The following RGS6 variants were observed in gnomAD, a reference collection of about 807,000 sequenced individuals.
RGS6 encodes the protein regulator of G protein signaling 6.
A neutral mutation model predicts 78.5 loss-of-function variants in RGS6; 30 were observed. That is an observed-to-expected ratio of 0.38 (90% CI 0.29 to 0.52). The LOEUF (loss-of-function observed/expected upper bound fraction) is 0.52, where lower values mean the gene tolerates loss of function less well. RGS6 is among the 20% of genes least tolerant of loss of function. RGS6 has a pLI of 0.85. For synonymous variants in RGS6, 206 were observed against 206.0 expected, an observed-to-expected ratio of 1.00 and a Z score of 0.00; for missense variants, 495 against 609.7, an observed-to-expected ratio of 0.81 and a Z score of 1.98.
chr14:72,512,365 C>T (rs1010277101), intron 14 of RGS6, among the ~76,000 whole-genome samples: 1 of 152,190 alleles, frequency 6.6e-6, no homozygotes, highest in East Asian at 1.9e-4. Context: ...TCAGTTCAGA[C>T]TAGTTTCACA....
In RGS6 at chr14:72,540,061, T is replaced by A; in HGVS notation, c.1389T>A (p.Arg463=). ...TAAAGCCAGAAAGTGAGCAAGGTCG[T>A]AGAACTTCCCTAGAAAAGTTCACTC... ...AKKKPESEQG[R]RTSLEKFTRS... is the part of the protein sequence containing the mutation. The change falls in exon 17 of 18, where the codon CGT becomes CGA. Residue 463 remains arginine, a synonymous_variant. Transcript: ENST00000553525. 6.3e-7 allele frequency: 1 copy of A among 1,587,722 alleles called. No homozygotes were observed. The highest frequency in any genetic ancestry group is 8.5e-7 in the Non-Finnish European group (1 of 1,176,472).
the RGS6 span, among the ~76,000 whole-genome samples, chr14:72,622,144 A>G: frequency 6.6e-6 from 1 of 152,214 alleles, no homozygotes; most frequent in South Asian, 2.1e-4. Flanking sequence ...AATTTTGTAC[A>G]TAGGTAGAAA....
At chr14:72,474,603 T>C in intron 9 of RGS6, 22 bp from the exon 10 acceptor site, 1 of 1,595,044 alleles carries the variant, frequency 6.3e-7, no homozygotes, top group Non-Finnish European at 8.5e-7. Flanking sequence ...GTAATTTATA[T>C]GATGTGTTTT....
intron 2 of RGS6, among the ~76,000 whole-genome samples, chr14:72,261,593 G>GA (rs572896133): frequency 1.2e-4 from 18 of 150,780 alleles, no homozygotes; most frequent in South Asian, 2.1e-4. Context: ...ATAATAATGA[G>GA]AAAAAAAAAG....
the RGS6 span, among the ~76,000 whole-genome samples, chr14:71,874,566 T>C: frequency 3.3e-5 from 5 of 152,254 alleles, no homozygotes; most frequent in Non-Finnish European, 5.9e-5. Context: ...ATTTTCTAAA[T>C]GTACAATCAT....
At chr14:72,197,765 G>A (rs2040535650) in intron 2 of RGS6, among the ~76,000 whole-genome samples, 1 of 151,918 alleles carries the variant, frequency 6.6e-6, no homozygotes, top group African/African-American at 2.4e-5. Context: ...CAAGGCATGT[G>A]GTCCCCAGTG....
intron 2 of RGS6, among the ~76,000 whole-genome samples, chr14:72,021,431 C>T (rs2088473181): frequency 6.7e-6 from 1 of 149,922 alleles, no homozygotes; most frequent in Non-Finnish European, 1.5e-5. Flanking sequence ...GATGCTATTA[C>T]AATATGTTTT....
chr14:72,069,592 T>C (rs1218452792), intron 2 of RGS6, among the ~76,000 whole-genome samples: 1 of 152,090 alleles, frequency 6.6e-6, no homozygotes, highest in Non-Finnish European at 1.5e-5. Context: ...CAGGCTGGAG[T>C]GCAGTGGTGC....
chr14:72,232,123 A>T (rs2049795491), intron 2 of RGS6, among the ~76,000 whole-genome samples: 1 of 152,204 alleles, frequency 6.6e-6, no homozygotes, highest in Non-Finnish European at 1.5e-5. Flanking sequence ...GCTAGGTATG[A>T]GCATGACCAG....
At chr14:72,424,240 A>G (rs757397920) in intron 3 of RGS6, among the ~76,000 whole-genome samples, 2 of 152,206 alleles carry the variant, frequency 1.3e-5, no homozygotes, top group Non-Finnish European at 2.9e-5. Context: ...GAATGTGTCA[A>G]GTGCTGTGGG....
At chr14:72,422,346 TATA>T (rs1327944584) in intron 3 of RGS6, among the ~76,000 whole-genome samples, 1 of 152,204 alleles carries the variant, frequency 6.6e-6, no homozygotes, top group Non-Finnish European at 1.5e-5. Context: ...TGAGTTATGC[TATA>T]ATATCAATCA....
At chr14:72,616,519 C>T in the RGS6 span, among the ~76,000 whole-genome samples, 1 of 152,280 alleles carries the variant, frequency 6.6e-6, no homozygotes, top group African/African-American at 2.4e-5. Context: ...AGAAGGCGGA[C>T]ATGGAAAACA....
At chr14:72,483,771 A>G (rs1399927922) in intron 12 of RGS6, among the ~76,000 whole-genome samples, 1 of 151,610 alleles carries the variant, frequency 6.6e-6, no homozygotes, top group East Asian at 1.9e-4. Flanking sequence ...CTAGACCAAG[A>G]TATGGAATCT....
intron 2 of RGS6, among the ~76,000 whole-genome samples, chr14:72,274,874 T>C (rs1349830834): frequency 1.3e-5 from 2 of 152,246 alleles, no homozygotes; most frequent in African/African-American, 4.8e-5. Context: ...CTGCTTTAAG[T>C]CACTGAGTTT....
At chr14:71,883,437 G>A in the RGS6 span, among the ~76,000 whole-genome samples, 1 of 152,194 alleles carries the variant, frequency 6.6e-6, no homozygotes, top group African/African-American at 2.4e-5. Context: ...GCTATACTAA[G>A]CTGCCTCTAC....
intron 2 of RGS6, among the ~76,000 whole-genome samples, chr14:71,989,467 T>G (rs2094862009): frequency 6.6e-6 from 1 of 152,262 alleles, no homozygotes; most frequent in African/African-American, 2.4e-5. Flanking sequence ...TTTTTATAAT[T>G]TCTTCTAGCA....
intron 7 of RGS6, 55 bp from the exon 8 acceptor site, chr14:72,469,952 G>A (rs373588712): frequency 1.5e-5 from 19 of 1,260,210 alleles, no homozygotes; most frequent in South Asian, 1.4e-4. Flanking sequence ...CATAGGTGTC[G>A]ATGTGCTAAT....
At chr14:71,876,817 T>C in the RGS6 span, among the ~76,000 whole-genome samples, 2 of 152,148 alleles carry the variant, frequency 1.3e-5, no homozygotes, top group Non-Finnish European at 2.9e-5. Flanking sequence ...CTGGTACCAA[T>C]TGTTCATTTT....
At chr14:71,889,807 C>A in the RGS6 span, among the ~76,000 whole-genome samples, 1 of 152,092 alleles carries the variant, frequency 6.6e-6, no homozygotes, top group Non-Finnish European at 1.5e-5. Flanking sequence ...AGGCGTCTCA[C>A]GAATGGTTTA....
Sources: gnomAD v4.1 joint callset for allele counts (sites outside exome capture counted in the v4.1 genomes callset) on GRCh38, gnomAD v4.1.1 for gene constraint, MANE v1.5 for transcripts, NCBI Gene and HGNC (gene_info 2026-07-23, HGNC 2026-07-21) for gene names.